The following NRXN3 variants were observed in gnomAD, a reference collection of about 807,000 sequenced individuals.
NRXN3 encodes the protein neurexin 3.
Under a neutral mutation model 137.6 loss-of-function variants are expected in NRXN3, and 32 were observed. That is an observed-to-expected ratio of 0.23 (90% CI 0.18 to 0.31). The LOEUF (loss-of-function observed/expected upper bound fraction) is 0.31. Ranked by LOEUF, NRXN3 falls within the 10% of genes least tolerant of loss-of-function variation. NRXN3 has a pLI of 1.00. For synonymous variants in NRXN3, 798 were observed against 784.5 expected (o/e 1.02, Z -0.29); for missense variants, 1,574 against 2,062.5 (o/e 0.76, Z 4.59).
chr14:79,358,328 T>G (rs1000204083), intron 15 of NRXN3, among the ~76,000 whole-genome samples: 1 of 151,854 alleles, frequency 6.6e-6, no homozygotes, highest in Non-Finnish European at 1.5e-5. Flanking sequence ...TTCGGGACTT[T>G]GGGAGGCAGA....
chr14:79,835,741 G>A (rs1000560134), intron 20 of NRXN3, among the ~76,000 whole-genome samples: 12 of 152,124 alleles, frequency 7.9e-5, no homozygotes, highest in African/African-American at 2.2e-4. Flanking sequence ...CATTGCCCTG[G>A]GTTTCATATT....
intron 10 of NRXN3, among the ~76,000 whole-genome samples, chr14:78,900,305 C>G (rs536406429): frequency 6.6e-6 from 1 of 152,020 alleles, no homozygotes; most frequent in Non-Finnish European, 1.5e-5. Context: ...TTTGAAGCCC[C>G]TGGGAATTTG....
chr14:79,441,629 C>T (rs981584179), intron 15 of NRXN3, among the ~76,000 whole-genome samples: 12 of 151,856 alleles, frequency 7.9e-5, no homozygotes, highest in African/African-American at 2.2e-4. Context: ...ATCTGCCCGC[C>T]GCGGCCTCCC....
At chr14:79,580,751 A>C (rs572366205) in intron 16 of NRXN3, among the ~76,000 whole-genome samples, 4 of 152,198 alleles carry the variant, frequency 2.6e-5, no homozygotes, top group Admixed American at 1.3e-4. Flanking sequence ...GCTTAAAAAA[A>C]AGTCTCCTGA....
chr14:78,398,214 C>CA (rs55841376), intron 4 of NRXN3, among the ~76,000 whole-genome samples: 2 of 128,222 alleles, frequency 1.6e-5, no homozygotes, highest in African/African-American at 5.9e-5. Flanking sequence ...AACTCTGTTT[C>CA]AAAAAAAAAA....
At chr14:79,046,115 T>C (rs1342341595) in intron 15 of NRXN3, among the ~76,000 whole-genome samples, 9 of 152,180 alleles carry the variant, frequency 5.9e-5, no homozygotes, top group Non-Finnish European at 1.3e-4. Context: ...CACCAACTGA[T>C]CTAGGTTTAA....
intron 15 of NRXN3, among the ~76,000 whole-genome samples, chr14:79,185,757 C>T (rs570843126): frequency 5.9e-5 from 9 of 152,120 alleles, no homozygotes; most frequent in Admixed American, 1.3e-4. Flanking sequence ...GAGCCACCAC[C>T]GTACCCGGCC....
chr14:78,466,369 A>G (rs893790746), intron 4 of NRXN3, among the ~76,000 whole-genome samples: 9 of 152,196 alleles, frequency 5.9e-5, no homozygotes, highest in Non-Finnish European at 1.2e-4. Flanking sequence ...TGGAGTTTTG[A>G]TAGGGGTCTG....
chr14:78,224,891 C>T (rs1435777525), intron 1 of NRXN3, among the ~76,000 whole-genome samples: 3 of 151,438 alleles, frequency 2.0e-5, no homozygotes, highest in Admixed American at 6.6e-5. Flanking sequence ...CTCAGCCTCC[C>T]GAGTAGCTGG....
intron 15 of NRXN3, among the ~76,000 whole-genome samples, chr14:79,398,249 C>G (rs750817264): frequency 7.2e-5 from 11 of 152,168 alleles, no homozygotes. Context: ...GGCTTGGTAT[C>G]TGGTAAAATT....
intron 4 of NRXN3, among the ~76,000 whole-genome samples, chr14:78,479,237 C>T (rs762782491): frequency 6.6e-6 from 1 of 152,162 alleles, no homozygotes; most frequent in Non-Finnish European, 1.5e-5. Context: ...TGAGAAGTGG[C>T]CTGGGCATTG....
chr14:79,351,147 T>C (rs2093187858), intron 15 of NRXN3, among the ~76,000 whole-genome samples: 1 of 152,206 alleles, frequency 6.6e-6, no homozygotes, highest in Non-Finnish European at 1.5e-5. Context: ...CAAATCCTTC[T>C]TGCCTGGTCT....
At chr14:78,221,972 A>G (rs1038058743) in intron 1 of NRXN3, among the ~76,000 whole-genome samples, 7 of 152,182 alleles carry the variant, frequency 4.6e-5, no homozygotes, top group African/African-American at 9.7e-5. Context: ...GAACAGTAAC[A>G]TAATTGACTA....
intron 16 of NRXN3, among the ~76,000 whole-genome samples, chr14:79,599,128 T>C (rs903516393): frequency 6.6e-6 from 1 of 152,204 alleles, no homozygotes; most frequent in Non-Finnish European, 1.5e-5. Context: ...TGGGCCATCA[T>C]TTCCCAACCT....
At chr14:78,534,717 G>T (rs2096515210) in intron 4 of NRXN3, among the ~76,000 whole-genome samples, 1 of 152,140 alleles carries the variant, frequency 6.6e-6, no homozygotes, top group African/African-American at 2.4e-5. Context: ...GTGCCACAGT[G>T]CCATTCAACA....
At chr14:78,191,182 G>T (rs2060697378) in intron 1 of NRXN3, among the ~76,000 whole-genome samples, 1 of 152,126 alleles carries the variant, frequency 6.6e-6, no homozygotes, top group Admixed American at 6.5e-5. Context: ...GGGGTGTGGG[G>T]CTGGGCCAGG....
At chr14:79,769,729 A>C (rs1005586204) in intron 19 of NRXN3, among the ~76,000 whole-genome samples, 6 of 152,124 alleles carry the variant, frequency 3.9e-5, no homozygotes, top group South Asian at 2.1e-4. Flanking sequence ...CGAGCAAAAT[A>C]ACCAGCTAAC....
chr14:78,827,281 A>C lies in NRXN3; in HGVS notation c.2275+16937A>C, dbSNP rs1596281562. On this transcript the variant is annotated intron_variant, in intron 10 of 20. Coordinates refer to ENST00000335750, the MANE Select transcript of NRXN3 (RefSeq NM_001330195.2). ...CTAACTGAGAGGACCGAAAAAAAAAAAAAATACAAAAGAACATTCCAGAAA... is the reference window on the plus strand; with the variant it reads ...CTAACTGAGAGGACCGAAAAAAAAACAAAATACAAAAGAACATTCCAGAAA... Among the ~76,000 whole-genome samples, 3 of 151,882 alleles carry C rather than the reference A, an allele frequency of 2.0e-5. No individual in the cohort carries two copies. The East Asian group carries it at 5.8e-4, about 29-fold the overall frequency.
At chr14:78,652,233 G>GT (rs904203274) in intron 6 of NRXN3, among the ~76,000 whole-genome samples, 11 of 152,204 alleles carry the variant, frequency 7.2e-5, no homozygotes, top group African/African-American at 2.4e-4. Flanking sequence ...CAGAAGACTG[G>GT]TTTTTTCCTT....
Sources: allele counts gnomAD v4.1 joint callset (sites outside exome capture counted in the v4.1 genomes callset), GRCh38; gene constraint gnomAD v4.1.1; transcripts MANE v1.5; gene names NCBI Gene and HGNC (gene_info 2026-07-23, HGNC 2026-07-21).